TRIM61: variants seen among roughly 807,000 people sequenced by gnomAD.
TRIM61 encodes putative tripartite motif-containing protein 61.
A neutral mutation model predicts 14.2 loss-of-function variants in TRIM61; 1 was observed. The observed-to-expected ratio is 0.07, with a 90% confidence interval of 0.03 to 0.33. The LOEUF (loss-of-function observed/expected upper bound fraction) is 0.33. Ranked by LOEUF, TRIM61 falls within the 10% of genes least tolerant of loss-of-function variation. TRIM61 has a pLI of 0.99. For missense variants in TRIM61, 19 were observed against 202.2 expected (o/e 0.09, Z 5.49); for synonymous variants, 8 against 71.6 (o/e 0.11, Z 4.49).
intron 3 of TRIM61, among the ~76,000 whole-genome samples, chr4:164,962,976 T>C (rs1732168392): frequency 6.6e-6 from 1 of 152,202 alleles, no homozygotes; most frequent in African/African-American, 2.4e-5. Context: ...GGCCCCAAAT[T>C]ATTTAAAAAT....
At chr4:164,966,910 G>C (rs938132716) in intron 3 of TRIM61, among the ~76,000 whole-genome samples, 1 of 151,986 alleles carries the variant, frequency 6.6e-6, no homozygotes, top group East Asian at 1.9e-4. Flanking sequence ...GTGGGTGACA[G>C]AGCGAGACTC....
chr4:164,955,315 A>C (rs573662965), intron 3 of TRIM61, among the ~76,000 whole-genome samples: 1 of 152,252 alleles, frequency 6.6e-6, no homozygotes, highest in East Asian at 1.9e-4. Context: ...CATAATCAGC[A>C]TATCTACCAT....
chr4:164,971,563 C>T (rs574750034), intron 2 of TRIM61, among the ~76,000 whole-genome samples: 1 of 150,172 alleles, frequency 6.7e-6, no homozygotes, highest in East Asian at 2.0e-4. Context: ...CGCACTCCAG[C>T]CTGGGTGACA....
intron 1 of TRIM61, 45 bp from the exon 2 acceptor site, chr4:164,976,870 A>G (rs1487682289): frequency 6.6e-6 from 1 of 152,186 alleles, no homozygotes; most frequent in Non-Finnish European, 1.5e-5. Flanking sequence ...ATCTAGTCCA[A>G]GTTTTTTGCC....
chr4:164,963,102 C>T (rs1225762911), intron 3 of TRIM61, among the ~76,000 whole-genome samples: 1 of 151,990 alleles, frequency 6.6e-6, no homozygotes, highest in East Asian at 1.9e-4. Flanking sequence ...CCAGAGAAGC[C>T]AGGCATGGTG....
chr4:164,968,374 T>A (rs1732286614), intron 3 of TRIM61: 1 of 976,722 alleles, frequency 1.0e-6, no homozygotes, highest in African/African-American at 1.8e-5. Context: ...GTTTCAAGTA[T>A]TTTACTGTAG....
chr4:164,960,417 T>C (rs1330555732), intron 3 of TRIM61, among the ~76,000 whole-genome samples: 2 of 151,782 alleles, frequency 1.3e-5, no homozygotes, highest in African/African-American at 4.8e-5. Context: ...TAGGTAGGCA[T>C]GGTGGCAGGC....
intron 3 of TRIM61, 81 bp downstream of exon 3, chr4:164,968,200 T>C: frequency 1.0e-6 from 1 of 984,896 alleles, no homozygotes; most frequent in Non-Finnish European, 1.2e-6. Flanking sequence ...GAGGCTGTAT[T>C]TACATAGCAG....
intron 1 of TRIM61, among the ~76,000 whole-genome samples, chr4:164,977,228 C>T (rs1486660378): frequency 6.6e-6 from 1 of 152,148 alleles, no homozygotes; most frequent in Admixed American, 6.5e-5. Flanking sequence ...CCACTTCGCT[C>T]CCTTAACTCC....
chr4:164,964,393 G>GA (rs1414605554), intron 3 of TRIM61, among the ~76,000 whole-genome samples: 2 of 150,984 alleles, frequency 1.3e-5, no homozygotes, highest in Admixed American at 1.3e-4. Context: ...AGGAGATGGA[G>GA]AGCTTTTAAA....
At chr4:164,968,365 T>A in intron 3 of TRIM61, 1 of 972,460 alleles carries the variant, frequency 1.0e-6, no homozygotes, top group Non-Finnish European at 1.2e-6. Context: ...GTAATATATG[T>A]TTCAAGTATT....
At chr4:164,967,575 A>ATG (rs1010014088) in intron 3 of TRIM61, among the ~76,000 whole-genome samples, 1 of 151,942 alleles carries the variant, frequency 6.6e-6, no homozygotes, top group Admixed American at 6.6e-5. Flanking sequence ...TATGTACAGT[A>ATG]TGTGTGTGTG....
intron 3 of TRIM61, among the ~76,000 whole-genome samples, chr4:164,966,967 T>TAC (rs1732257277): frequency 6.6e-6 from 1 of 152,006 alleles, no homozygotes; most frequent in Admixed American, 6.6e-5. Flanking sequence ...TGATCTGTAT[T>TAC]ACACAGGAAG....
intron 2 of TRIM61, among the ~76,000 whole-genome samples, chr4:164,972,071 A>T (rs1732380012): frequency 6.6e-6 from 1 of 152,180 alleles, no homozygotes; most frequent in Non-Finnish European, 1.5e-5. Flanking sequence ...TTATTCCCAA[A>T]CTTAAAGTTT....
chr4:164,961,799 A>G (rs1288773978), intron 3 of TRIM61, among the ~76,000 whole-genome samples: 2 of 152,222 alleles, frequency 1.3e-5, no homozygotes, highest in Non-Finnish European at 2.9e-5. Flanking sequence ...GTCCAAGTAA[A>G]AAAATACATG....
chr4:164,957,223 A>G lies in TRIM61; in HGVS notation c.526-2127T>C, dbSNP rs762616256. On this transcript the variant is annotated intron_variant, in intron 3 of 4. Coordinates refer to ENST00000329314, the MANE Select transcript of TRIM61 (RefSeq NM_001012414.3). ...TGCTCAGACATCCAGGGACGACCAC[A>G]TTCGTCCAACAGCGGTCGCTCCACC... 6 of 1,613,960 alleles carry G rather than the reference A, an allele frequency of 3.7e-6. No individual in the cohort carries two copies. The South Asian group carries it at 5.5e-5, about 15-fold the overall frequency.
intron 3 of TRIM61, among the ~76,000 whole-genome samples, chr4:164,961,861 G>A (rs965054831): frequency 2.0e-5 from 3 of 152,304 alleles, no homozygotes; most frequent in East Asian, 3.9e-4. Context: ...GTACATCATA[G>A]GATGATTTCA....
At chr4:164,955,662 T>C (rs758950092) in intron 3 of TRIM61, among the ~76,000 whole-genome samples, 2 of 151,858 alleles carry the variant, frequency 1.3e-5, no homozygotes, top group Non-Finnish European at 2.9e-5. Context: ...TTGAGGTTGA[T>C]TTTCCTTGTC....
chr4:164,964,132 G>A (rs1054092521), intron 3 of TRIM61, among the ~76,000 whole-genome samples: 2 of 151,714 alleles, frequency 1.3e-5, no homozygotes, highest in African/African-American at 2.4e-5. Context: ...GGCTGATCAC[G>A]AGGTCAGGAA....
Sources: allele counts gnomAD v4.1 joint callset (sites outside exome capture counted in the v4.1 genomes callset), GRCh38; gene constraint gnomAD v4.1.1; transcripts MANE v1.5; gene names NCBI Gene and HGNC (gene_info 2026-07-23, HGNC 2026-07-21).